The following CSGALNACT1 variants were observed in gnomAD, a reference collection of about 807,000 sequenced individuals.
CSGALNACT1 encodes the protein chondroitin sulfate N-acetylgalactosaminyltransferase 1.
In CSGALNACT1, 52 loss-of-function variants were observed where a neutral mutation model predicts 51.0. The observed-to-expected ratio is 1.02, with a 90% CI of 0.82 to 1.29. The LOEUF is 1.29. Ranked by LOEUF, CSGALNACT1 falls within the 50% of genes most tolerant of loss-of-function variation. The pLI, the probability that CSGALNACT1 is intolerant of heterozygous loss-of-function variation, is 0.00. For synonymous variants in CSGALNACT1, 341 were observed against 254.4 expected (o/e 1.34, Z -3.24); for missense variants, 935 against 679.2 (o/e 1.38, Z -4.19).
chr8:19,549,656 C>CCT (rs764757340), intron 3 of CSGALNACT1, among the ~76,000 whole-genome samples: 3 of 83,468 alleles, frequency 3.6e-5, no homozygotes, highest in Non-Finnish European at 6.8e-5. Flanking sequence ...CAATTTCCTA[C>CCT]TTTTTTTTTT....
At chr8:19,655,273 G>GT (rs1280091835) in intron 1 of CSGALNACT1, among the ~76,000 whole-genome samples, 2 of 152,046 alleles carry the variant, frequency 1.3e-5, no homozygotes, top group East Asian at 3.9e-4. Context: ...TTATGACACG[G>GT]TATGCCATCA....
chr8:19,631,869 G>C (rs969979370), intron 1 of CSGALNACT1, among the ~76,000 whole-genome samples: 6 of 152,158 alleles, frequency 3.9e-5, no homozygotes, highest in African/African-American at 1.4e-4. Context: ...AAAGGTGTGG[G>C]CCAGGGCAGC....
exon 10 of CSGALNACT1, chr8:19,405,077 A>C (rs1585248943): frequency 2.2e-6 from 1 of 453,680 alleles, no homozygotes; most frequent in Admixed American, 2.4e-5. Flanking sequence ...ATGTAGGCCA[A>C]CTTGTGCTCT....
intron 7 of CSGALNACT1, among the ~76,000 whole-genome samples, chr8:19,419,597 C>T (rs2057552124): frequency 6.6e-6 from 1 of 152,174 alleles, no homozygotes; most frequent in Non-Finnish European, 1.5e-5. Flanking sequence ...GTTCTTTGTG[C>T]GAATAGCTCT....
intron 2 of CSGALNACT1, among the ~76,000 whole-genome samples, chr8:19,599,794 T>A (rs1350793104): frequency 2.0e-5 from 3 of 152,186 alleles, no homozygotes; most frequent in Admixed American, 1.3e-4. Flanking sequence ...GGCTTGAACA[T>A]CCTTCAGCAG....
chr8:19,533,125 T>C (rs1449734528), intron 3 of CSGALNACT1, among the ~76,000 whole-genome samples: 2 of 152,192 alleles, frequency 1.3e-5, no homozygotes, highest in Non-Finnish European at 2.9e-5. Flanking sequence ...GTTTTTGTTT[T>C]TGTTTTTGAG....
chr8:19,718,312 G>A lies in CSGALNACT1; in HGVS notation c.-297+39538C>T, dbSNP rs533126257. On this transcript the variant is annotated intron_variant, in intron 1 of 1. Transcript: ENST00000517494. ...AGATGGGGTTGTACCATGTTGGCCAGGCTAGTCTTGAACTCCTGAACTCAA... is the reference window on the plus strand; with the variant it reads ...AGATGGGGTTGTACCATGTTGGCCAAGCTAGTCTTGAACTCCTGAACTCAA... Among the ~76,000 whole-genome samples, 8 of 152,172 alleles carry A rather than the reference G, an allele frequency of 5.3e-5. No individual in the cohort carries two copies. The East Asian group carries it at 1.4e-3, about 26-fold the overall frequency.
At chr8:19,539,531 C>G (rs1436258916) in intron 3 of CSGALNACT1, among the ~76,000 whole-genome samples, 1 of 152,126 alleles carries the variant, frequency 6.6e-6, no homozygotes, top group South Asian at 2.1e-4. Flanking sequence ...CAAGGCTTCT[C>G]TGAAAGTCAT....
chr8:19,411,821 A>G (rs2153674513), intron 8 of CSGALNACT1, among the ~76,000 whole-genome samples: 1 of 149,356 alleles, frequency 6.7e-6, no homozygotes, highest in South Asian at 2.1e-4. Context: ...TCTGTTTCCA[A>G]GCACTATCCT....
chr8:19,673,105 C>T (rs1307553591), intron 1 of CSGALNACT1, among the ~76,000 whole-genome samples: 1 of 152,192 alleles, frequency 6.6e-6, no homozygotes, highest in Non-Finnish European at 1.5e-5. Flanking sequence ...GTCTTACACA[C>T]ACCAGCAGTG....
At chr8:19,715,673 TG>T (rs1446038800) in intron 1 of CSGALNACT1, among the ~76,000 whole-genome samples, 1 of 152,216 alleles carries the variant, frequency 6.6e-6, no homozygotes, top group Non-Finnish European at 1.5e-5. Flanking sequence ...ATTGAAAGTG[TG>T]GGAGAATAAA....
At chr8:19,541,118 C>T (rs1225466815) in intron 3 of CSGALNACT1, among the ~76,000 whole-genome samples, 1 of 151,880 alleles carries the variant, frequency 6.6e-6, no homozygotes, top group Non-Finnish European at 1.5e-5. Flanking sequence ...CTTGCTGTGT[C>T]CCCCAGGCTA....
intron 3 of CSGALNACT1, among the ~76,000 whole-genome samples, chr8:19,514,354 G>A (rs1315920607): frequency 6.6e-6 from 1 of 151,410 alleles, no homozygotes; most frequent in East Asian, 1.9e-4. Context: ...AGCTGCCTTG[G>A]TGGCCCTAGC....
chr8:19,620,094 C>T (rs1264580501), intron 1 of CSGALNACT1, among the ~76,000 whole-genome samples: 2 of 152,050 alleles, frequency 1.3e-5, no homozygotes, highest in Non-Finnish European at 2.9e-5. Flanking sequence ...AGGCTGATCA[C>T]TTGAGGCCAG....
chr8:19,689,261 G>A (rs1462158632), intron 1 of CSGALNACT1, among the ~76,000 whole-genome samples: 4 of 152,124 alleles, frequency 2.6e-5, no homozygotes, highest in East Asian at 1.9e-4. Flanking sequence ...AGCTACCATG[G>A]TATGACAAGG....
At chr8:19,415,186 G>A (rs1374422895) in intron 8 of CSGALNACT1, among the ~76,000 whole-genome samples, 3 of 152,180 alleles carry the variant, frequency 2.0e-5, no homozygotes, top group Non-Finnish European at 2.9e-5. Context: ...AGAAGAAAGT[G>A]AGGAAACACT....
intron 6 of CSGALNACT1, among the ~76,000 whole-genome samples, chr8:19,422,277 A>T (rs1242958720): frequency 1.3e-5 from 2 of 151,986 alleles, no homozygotes; most frequent in African/African-American, 4.8e-5. Flanking sequence ...ACAGCCTCAA[A>T]CTCCTGGGCT....
intron 1 of CSGALNACT1, among the ~76,000 whole-genome samples, chr8:19,727,588 C>T (rs1205262170): frequency 1.3e-5 from 2 of 152,274 alleles, no homozygotes; most frequent in Non-Finnish European, 2.9e-5. Context: ...TGGGCTGAAG[C>T]GATCCAACCG....
intron 4 of CSGALNACT1, among the ~76,000 whole-genome samples, chr8:19,459,779 G>C (rs948709780): frequency 1.3e-5 from 2 of 152,106 alleles, no homozygotes; most frequent in Non-Finnish European, 2.9e-5. Context: ...AACAGTACAA[G>C]GCATGCAATA....
Sources: gnomAD v4.1 joint callset for allele counts (sites outside exome capture counted in the v4.1 genomes callset) on GRCh38, gnomAD v4.1.1 for gene constraint, MANE v1.5 for transcripts, NCBI Gene and HGNC (gene_info 2026-07-23, HGNC 2026-07-21) for gene names.